Variants in HHAT observed in about 807,000 individuals in gnomAD.
HHAT encodes the protein hedgehog acyltransferase.
A neutral mutation model predicts 70.8 loss-of-function variants in HHAT; 47 were observed. The observed-to-expected ratio is 0.66, with a 90% CI of 0.53 to 0.85. The LOEUF (loss-of-function observed/expected upper bound fraction) is 0.85, where lower values mean the gene tolerates loss of function less well. Among genes scored for constraint, HHAT ranks in the 40% least tolerant of loss-of-function variants. HHAT has a pLI of 0.00. For synonymous variants in HHAT, 228 were observed against 247.6 expected (o/e 0.92, Z 0.74); for missense variants, 609 against 604.8 (o/e 1.01, Z -0.07).
At chr1:210,394,594 T>A in intron 4 of HHAT, among the ~76,000 whole-genome samples, 1 of 152,118 alleles carries the variant, frequency 6.6e-6, no homozygotes, top group South Asian at 2.1e-4. Flanking sequence ...GGGTGGGTGC[T>A]GTTGCTAACC....
In HHAT at chr1:210,623,643, A is replaced by G. The variant is rs1181369040; in HGVS notation, c.1363A>G (p.Thr455Ala). 1 of 1,613,762 alleles carries G rather than the reference A, an allele frequency of 6.2e-7. No individual in the cohort carries two copies. The highest frequency in any genetic ancestry group is 1.1e-5 in the South Asian group (1 of 90,982). The change falls in exon 11 of 12, where the codon ACC becomes GCC. Residue 455 changes from threonine (T) to alanine (A), a missense_variant. Coordinates refer to ENST00000261458, the MANE Select transcript of HHAT (RefSeq NM_018194.6). Reference sequence around the variant, plus strand: ...TCTTGGGGGCAATGAGGTTGGGAAAACCTACTGGAATAGGATCTTCATACA... The same window carrying G: ...TCTTGGGGGCAATGAGGTTGGGAAAGCCTACTGGAATAGGATCTTCATACA... ...VFLGGNEVGKTYWNRIFIQGW... is the reference protein window; with the variant it reads ...VFLGGNEVGKAYWNRIFIQGW...
intron 2 of HHAT, among the ~76,000 whole-genome samples, chr1:210,350,098 A>G (rs554262107): frequency 6.6e-5 from 10 of 152,252 alleles, no homozygotes; most frequent in Non-Finnish European, 1.2e-4. Flanking sequence ...GAAGTTGGAT[A>G]GAAGTCTTCT....
intron 4 of HHAT, among the ~76,000 whole-genome samples, chr1:210,399,185 A>G (rs2091943719): frequency 6.6e-6 from 1 of 152,170 alleles, no homozygotes; most frequent in Non-Finnish European, 1.5e-5. Context: ...ACATTTCCCT[A>G]TGGGAATAAC....
intron 11 of HHAT, among the ~76,000 whole-genome samples, chr1:210,643,488 C>T (rs1303885743): frequency 6.6e-6 from 1 of 152,170 alleles, no homozygotes; most frequent in Non-Finnish European, 1.5e-5. Context: ...GGGGAAGTAT[C>T]TTATGTATTC....
intron 11 of HHAT, among the ~76,000 whole-genome samples, chr1:210,637,466 G>A (rs376501578): frequency 5.9e-5 from 9 of 152,042 alleles, no homozygotes; most frequent in Non-Finnish European, 8.8e-5. Context: ...TCAAGAAAAC[G>A]AAAATACATC....
chr1:210,414,832 A>G (rs1471068352), intron 6 of HHAT, among the ~76,000 whole-genome samples: 1 of 152,126 alleles, frequency 6.6e-6, no homozygotes, highest in Non-Finnish European at 1.5e-5. Flanking sequence ...AGCCTGGCCA[A>G]TGTGGAGAAA....
Position 210,674,364 on chromosome 1 carries a change from C to G in HHAT, c.1467C>G (p.Thr489=). The G allele has an allele frequency of 6.2e-7, 1 of 1,614,040 alleles. No individual in the cohort carries two copies. ...YSHVGIAWAQ[T]YATD is the part of the protein sequence containing the mutation. ...ACGTGGGCATTGCCTGGGCCCAGAC[C>G]TACGCCACGGACTAATGCTGTTGGG... The change falls in exon 12 of 12, where the codon ACC becomes ACG. Residue 489 remains threonine, a synonymous_variant. Coordinates refer to ENST00000261458, the MANE Select transcript of HHAT (RefSeq NM_018194.6).
intron 8 of HHAT, among the ~76,000 whole-genome samples, chr1:210,497,342 T>C (rs1364244090): frequency 6.6e-6 from 1 of 152,190 alleles, no homozygotes; most frequent in African/African-American, 2.4e-5. Flanking sequence ...AACAAATTAT[T>C]TTTGAAGTGC....
At chr1:210,558,516 G>T (rs75967456) in intron 9 of HHAT, among the ~76,000 whole-genome samples, 9,334 of 152,246 alleles carry the variant, frequency 0.061, 876 homozygotes, top group African/African-American at 0.2. Flanking sequence ...AGTTTGTAAT[G>T]ATTGTAGAGG....
chr1:210,390,007 T>A (rs1320572160), intron 4 of HHAT, among the ~76,000 whole-genome samples: 1 of 152,090 alleles, frequency 6.6e-6, no homozygotes, highest in Admixed American at 6.6e-5. Context: ...ATGAGCTTCA[T>A]TGGTTAGACA....
Position 210,329,049 on chromosome 1 carries a change from G to A in HHAT, c.-99G>A, listed in dbSNP as rs2084747190. 2 of 1,432,298 alleles carry A rather than the reference G, an allele frequency of 1.4e-6. No individual in the cohort carries two copies. The highest frequency in any genetic ancestry group is 1.8e-6 in the Non-Finnish European group (2 of 1,095,010). 88.7% of individuals were successfully genotyped at this position (1,432,298 alleles called of 1,614,324 possible). ...TCGGAAGTGCCGAAAGAGGGGTGTT[G>A]GGAACTCGCGGCGCGCGTGAACGTT... is the stretch of plus-strand genomic sequence containing the variant. On this transcript the variant is annotated 5_prime_UTR_variant, in exon 1 of 12. Coordinates refer to ENST00000261458, the MANE Select transcript of HHAT (RefSeq NM_018194.6).
chr1:210,631,584 A>G (rs1449543385), intron 11 of HHAT, among the ~76,000 whole-genome samples: 2 of 152,250 alleles, frequency 1.3e-5, no homozygotes, highest in African/African-American at 4.8e-5. Flanking sequence ...CCAAGAAAGC[A>G]GTGGAAAGAG....
At chr1:210,365,808 G>T (rs957713326) in intron 3 of HHAT, among the ~76,000 whole-genome samples, 1 of 151,712 alleles carries the variant, frequency 6.6e-6, no homozygotes, top group Non-Finnish European at 1.5e-5. Flanking sequence ...TAGAGATGGG[G>T]TTTCACCACG....
intron 4 of HHAT, among the ~76,000 whole-genome samples, chr1:210,389,269 C>T (rs185671618): frequency 1.7e-3 from 258 of 152,316 alleles, no homozygotes; most frequent in African/African-American, 6.0e-3. Context: ...AAGTCCAAGT[C>T]ACCACATCTG....
intron 1 of HHAT, among the ~76,000 whole-genome samples, chr1:210,341,767 C>G (rs1358896176): frequency 6.6e-6 from 1 of 152,174 alleles, no homozygotes; most frequent in Non-Finnish European, 1.5e-5. Flanking sequence ...AGATTTTATT[C>G]TGTGGCCCTC....
At position 210,674,305 on chromosome 1, in the gene HHAT, C is replaced by T. The variant is rs1680783717; in HGVS notation, c.1408C>T (p.Leu470Phe). The change falls in exon 12 of 12, where the codon CTC becomes TTC. Residue 470 changes from leucine (L) to phenylalanine (F), a missense_variant. Transcript: ENST00000261458. ...CTCTGCAGGCTGGCCTTGGGTGACCCTCTCTGTCCTGGGATTCCTGTACTG... is the reference window on the plus strand; with the variant it reads ...CTCTGCAGGCTGGCCTTGGGTGACCTTCTCTGTCCTGGGATTCCTGTACTG... ...IFIQGWPWVT[L>F]SVLGFLYCYS... 1 of 1,614,116 alleles carries T rather than the reference C, an allele frequency of 6.2e-7. No individual in the cohort carries two copies. The highest frequency in any genetic ancestry group is 8.5e-7 in the Non-Finnish European group (1 of 1,179,976).
intron 11 of HHAT, among the ~76,000 whole-genome samples, chr1:210,671,470 T>C (rs2148985010): frequency 6.6e-6 from 1 of 152,352 alleles, no homozygotes; most frequent in East Asian, 1.9e-4. Flanking sequence ...CATGTGTACC[T>C]GGCACCTCAG....
intron 11 of HHAT, among the ~76,000 whole-genome samples, chr1:210,664,014 T>C (rs1165566679): frequency 1.3e-5 from 2 of 152,172 alleles, no homozygotes; most frequent in Non-Finnish European, 2.9e-5. Context: ...TCTGTGAGGG[T>C]AAGGAATTAT....
At chr1:210,329,572 GA>G (rs2084804748) in intron 1 of HHAT, 2 of 748,834 alleles carry the variant, frequency 2.7e-6, no homozygotes, top group Non-Finnish European at 3.3e-6. Flanking sequence ...TCTTTATGCG[GA>G]AAAACCCTCC....
Sources: gnomAD v4.1 joint callset for allele counts (sites outside exome capture counted in the v4.1 genomes callset) on GRCh38, gnomAD v4.1.1 for gene constraint, MANE v1.5 for transcripts, NCBI Gene and HGNC (gene_info 2026-07-23, HGNC 2026-07-21) for gene names.